Variants in COL25A1 observed in about 807,000 individuals in gnomAD.
The protein encoded by COL25A1 is collagen alpha-1(XXV) chain.
Under a neutral mutation model 128.4 loss-of-function variants are expected in COL25A1, and 103 were observed. The ratio of observed to expected loss-of-function variants is 0.80; its 90% CI spans 0.68 to 0.94. COL25A1 has a LOEUF of 0.94. Ranked by LOEUF, COL25A1 falls within the 40% of genes least tolerant of loss-of-function variation. COL25A1 has a pLI of 0.00. For missense variants in COL25A1, 745 were observed against 840.0 expected (o/e 0.89, Z 1.40); for synonymous variants, 279 against 277.2 (o/e 1.01, Z -0.06).
chr4:108,906,096 T>G (rs369208720), intron 13 of COL25A1, among the ~76,000 whole-genome samples: 49 of 152,142 alleles, frequency 3.2e-4, no homozygotes, highest in African/African-American at 1.1e-3. Context: ...TAGAGCTCCT[T>G]CACTCAGTTC....
chr4:109,003,158 TATC>T (rs1434251732), intron 6 of COL25A1, among the ~76,000 whole-genome samples: 7 of 152,186 alleles, frequency 4.6e-5, no homozygotes, highest in African/African-American at 1.2e-4. Context: ...CAAAAGAAAC[TATC>T]ATCAGAGTAA....
chr4:108,809,675 T>C lies in COL25A1; in HGVS notation c.*4252A>G, dbSNP rs1047429050. On this transcript the variant is annotated 3_prime_UTR_variant, in exon 38 of 38. Coordinates refer to ENST00000399132, the MANE Select transcript of COL25A1 (RefSeq NM_198721.4). ...AGCAAAAACCAAACTCCACTAAAAA[T>C]TTAAGTTAGAGGAGTGTCTCTGCTG... 1 of 152,060 alleles carries C rather than the reference T, an allele frequency of 6.6e-6. No individual in the cohort carries two copies. Among genetic ancestry groups the C allele is most frequent in the African/African-American group, 2.4e-5 (1 of 41,446 alleles). 9.4% of individuals were successfully genotyped at this position (152,060 alleles called of 1,614,324 possible). A position where few individuals can be genotyped will look rare whatever the true frequency, so the allele number is the denominator to read the frequency against.
At chr4:109,214,100 T>C (rs1203241760) in intron 3 of COL25A1, among the ~76,000 whole-genome samples, 1 of 152,100 alleles carries the variant, frequency 6.6e-6, no homozygotes, top group Non-Finnish European at 1.5e-5. Flanking sequence ...ATTAATGATC[T>C]GGGCTTTAAA....
intron 8 of COL25A1, among the ~76,000 whole-genome samples, chr4:108,947,310 C>T (rs1318909942): frequency 2.6e-5 from 4 of 151,808 alleles, no homozygotes; most frequent in Non-Finnish European, 5.9e-5. Context: ...GGCATGGTGG[C>T]GGGTGCCTGT....
At chr4:108,867,144 A>C (rs1012282109) in intron 20 of COL25A1, among the ~76,000 whole-genome samples, 2 of 152,234 alleles carry the variant, frequency 1.3e-5, no homozygotes, top group African/African-American at 4.8e-5. Context: ...TAAAGAAAAG[A>C]TATTTAGGAA....
Position 108,841,741 on chromosome 4 carries a change from C to T in COL25A1, c.1630-20G>A, listed in dbSNP as rs377527546. 5.6e-6 allele frequency: 9 copies of T among 1,598,358 alleles called. No homozygotes were observed. On this transcript the variant is annotated intron_variant, in intron 30 of 37. Transcript: ENST00000399132. ...AGGTCCCTGAAAATGGAAAACAGAGCTTTTAATTAAGAATTGATTCCCTGT... is the reference window on the plus strand; with the variant it reads ...AGGTCCCTGAAAATGGAAAACAGAGTTTTTAATTAAGAATTGATTCCCTGT...
chr4:109,285,980 T>C (rs1263175228), intron 3 of COL25A1, among the ~76,000 whole-genome samples: 2 of 152,150 alleles, frequency 1.3e-5, no homozygotes, highest in African/African-American at 4.8e-5. Flanking sequence ...CATATACAGC[T>C]TGAGGCTGGT....
intron 3 of COL25A1, among the ~76,000 whole-genome samples, chr4:109,054,992 C>A (rs1232833516): frequency 6.6e-6 from 1 of 152,172 alleles, no homozygotes; most frequent in Non-Finnish European, 1.5e-5. Context: ...CCAACCTCCC[C>A]CATCCTCCAG....
intron 5 of COL25A1, 147 bp downstream of exon 5, chr4:109,048,021 C>G (rs568598481): frequency 1.2e-6 from 1 of 836,122 alleles, no homozygotes; most frequent in Non-Finnish European, 1.9e-6. Context: ...CGTGAGCCAC[C>G]GCGACTGACC....
At chr4:109,097,710 C>A (rs371997249) in intron 3 of COL25A1, among the ~76,000 whole-genome samples, 1 of 144,240 alleles carries the variant, frequency 6.9e-6, no homozygotes, top group African/African-American at 2.6e-5. Flanking sequence ...GTCGCCCAGG[C>A]TGGAGTGCAG....
intron 3 of COL25A1, among the ~76,000 whole-genome samples, chr4:109,128,297 C>T (rs780384939): frequency 6.6e-6 from 1 of 152,132 alleles, no homozygotes; most frequent in African/African-American, 2.4e-5. Flanking sequence ...ATTCCTTGTT[C>T]AAAATTTCTT....
chr4:109,215,320 T>C (rs1044379250), intron 3 of COL25A1, among the ~76,000 whole-genome samples: 1 of 152,296 alleles, frequency 6.6e-6, no homozygotes, highest in East Asian at 1.9e-4. Flanking sequence ...AAATAAAATC[T>C]GGTTTATACC....
rs201891377 is a variant in COL25A1 at position 108,862,859 on chromosome 4, T to C, written c.1153-314A>G. 5.3e-5 allele frequency among the ~76,000 whole-genome samples: 8 copies of C among 152,208 alleles called. No homozygotes were observed. In the East Asian group the frequency reaches 9.6e-4, roughly 18 times the overall value. The stretch of plus-strand genomic sequence containing the variant: ...AATTTCCTTTTCATCAGTGAGTAAA[T>C]AGTTTCCTGTGTCTCTAGGATGGGC... On this transcript the variant is annotated intron_variant, in intron 21 of 37. Transcript: ENST00000399132.
chr4:108,873,624 G>A (rs1739072375), intron 19 of COL25A1, among the ~76,000 whole-genome samples: 1 of 151,722 alleles, frequency 6.6e-6, no homozygotes, highest in South Asian at 2.1e-4. Flanking sequence ...CAACCTAATT[G>A]GTAATATACA....
intron 6 of COL25A1, among the ~76,000 whole-genome samples, chr4:108,994,124 C>G (rs951683343): frequency 6.6e-6 from 1 of 152,128 alleles, no homozygotes; most frequent in Non-Finnish European, 1.5e-5. Context: ...GTGCAGCCCA[C>G]AGAGGGCTAC....
intron 3 of COL25A1, among the ~76,000 whole-genome samples, chr4:109,265,470 G>A (rs917393092): frequency 1.3e-5 from 2 of 149,850 alleles, no homozygotes; most frequent in Admixed American, 1.3e-4. Flanking sequence ...TATAATTGAG[G>A]CAATAAATAT....
At chr4:108,863,577 A>AT (rs1737528468) in intron 20 of COL25A1, among the ~76,000 whole-genome samples, 190 bp from the exon 21 acceptor site, 2 of 152,194 alleles carry the variant, frequency 1.3e-5, no homozygotes, top group South Asian at 4.1e-4. Context: ...GTGATGGTTA[A>AT]TTTTAGGTGT....
chr4:109,151,075 T>C (rs1202882501), intron 3 of COL25A1, among the ~76,000 whole-genome samples: 1 of 152,094 alleles, frequency 6.6e-6, no homozygotes, highest in Non-Finnish European at 1.5e-5. Context: ...TAAAAGTAAA[T>C]TCTAAAAATG....
At chr4:109,276,350 T>G (rs1442849467) in intron 3 of COL25A1, among the ~76,000 whole-genome samples, 1 of 149,270 alleles carries the variant, frequency 6.7e-6, no homozygotes, top group Non-Finnish European at 1.5e-5. Flanking sequence ...AGGCGGAGGT[T>G]GCAGTGAGCC....
Sources: allele counts gnomAD v4.1 joint callset (sites outside exome capture counted in the v4.1 genomes callset), GRCh38; gene constraint gnomAD v4.1.1; transcripts MANE v1.5; gene names NCBI Gene and HGNC (gene_info 2026-07-23, HGNC 2026-07-21).